The following HTT variants were observed in gnomAD, a reference collection of about 807,000 sequenced individuals.
HTT encodes the protein huntington disease protein.
HTT carries 104 observed loss-of-function variants against 362.3 expected under a neutral mutation model. The ratio of observed to expected loss-of-function variants is 0.29; its 90% CI spans 0.24 to 0.34. HTT has a LOEUF of 0.34. Among genes scored for constraint, HTT ranks in the 10% least tolerant of loss-of-function variants. HTT has a pLI of 1.00. For missense variants in HTT, 3,301 were observed against 3,928.6 expected, an observed-to-expected ratio of 0.84 and a Z score of 4.27; for synonymous variants, 1,577 against 1,548.7, an observed-to-expected ratio of 1.02 and a Z score of -0.43.
chr4:3,121,136 T>C, intron 8 of HTT, 92 bp from the exon 9 acceptor site: 1 of 813,840 alleles, frequency 1.2e-6, no homozygotes, highest in Middle Eastern at 2.9e-4. Context: ...ATAAACTTTG[T>C]CAATGAAGTC....
intron 22 of HTT, among the ~76,000 whole-genome samples, chr4:3,142,251 A>T (rs780829842): frequency 4.6e-5 from 7 of 152,248 alleles, no homozygotes; most frequent in African/African-American, 1.7e-4. Flanking sequence ...TGGACAAGAC[A>T]CTGTGAGGGA....
chr4:3,212,759 G>T lies in HTT; in HGVS notation c.6774+50G>T, dbSNP rs761847113. ...TGTTGCTGTGGGGAGGGGGCATGGG[G>T]CTGACACTGAAGAGGGTAAAGCAGT... On this transcript the variant is annotated intron_variant, in intron 49 of 66. Coordinates refer to ENST00000355072, the MANE Select transcript of HTT (RefSeq NM_001388492.1). The T allele has an allele frequency of 5.0e-6, 8 of 1,599,582 alleles. No homozygotes were observed. The Admixed American group carries it at 1.0e-4, about 20-fold the overall frequency.
At chr4:3,075,418 T>A (rs1712470276) in intron 1 of HTT, among the ~76,000 whole-genome samples, 1 of 152,232 alleles carries the variant, frequency 6.6e-6, no homozygotes, top group Non-Finnish European at 1.5e-5. Flanking sequence ...GGGCGAGAAC[T>A]TGTTTCTTTT....
At chr4:3,095,148 C>G (rs1481102156) in intron 2 of HTT, among the ~76,000 whole-genome samples, 2 of 152,362 alleles carry the variant, frequency 1.3e-5, no homozygotes, top group East Asian at 3.9e-4. Context: ...AGGCCGCAAT[C>G]TTGGCACTTT....
At position 3,178,387 on chromosome 4, in the gene HTT, C is replaced by G; in HGVS notation, c.4553C>G (p.Pro1518Arg). Residue 1518 changes from proline (P) to arginine (R), a missense_variant, in exon 35 of 67, where the codon CCT becomes CGT. By Grantham distance (103) the Pro-to-Arg change is moderately radical. Coordinates refer to ENST00000355072, the MANE Select transcript of HTT (RefSeq NM_001388492.1). ...RYHSKQIIGI[P>R]KIIQLCDGIM... ...CATTCAAAACAGATCATTGGAATTC[C>G]TAAAATCATTCAGCTCTGTGATGGC... 6.2e-7 allele frequency: 1 copy of G among 1,613,500 alleles called. No homozygotes were observed. Among genetic ancestry groups the G allele is most frequent in the Non-Finnish European group, 8.5e-7 (1 of 1,179,480 alleles).
At chr4:3,231,173 A>G (rs1302240072) in intron 60 of HTT, among the ~76,000 whole-genome samples, 3 of 152,210 alleles carry the variant, frequency 2.0e-5, no homozygotes, top group East Asian at 1.9e-4. Context: ...TATGATAGCA[A>G]TGGAAACTCA....
chr4:3,160,174 GCA>G lies in HTT; in HGVS notation c.3754-105_3754-104del, dbSNP rs1229665101. 14 of 722,422 alleles carry G rather than the reference GCA, an allele frequency of 1.9e-5. No homozygotes were observed. The East Asian group carries it at 3.8e-4, about 20-fold the overall frequency. The allele number at this position is 722,422 out of a possible 1,614,324, so 44.8% of individuals were successfully genotyped here. On this transcript the variant is annotated intron_variant, in intron 28 of 66. Transcript: ENST00000355072. ...CCCTGCAAGGTGAGTGTACGGCGCCGCACAGTGGAGGCATCTGCTGCAGCCGT... is the reference window on the plus strand; with the variant it reads ...CCCTGCAAGGTGAGTGTACGGCGCCGCAGTGGAGGCATCTGCTGCAGCCGT...
chr4:3,102,109 G>A (rs1025659745), intron 3 of HTT, among the ~76,000 whole-genome samples: 6 of 152,192 alleles, frequency 3.9e-5, no homozygotes, highest in African/African-American at 1.4e-4. Context: ...GTGACCCGGT[G>A]AGGACGTGGG....
chr4:3,164,744 C>G (rs548096394), intron 29 of HTT, among the ~76,000 whole-genome samples: 1 of 152,026 alleles, frequency 6.6e-6, no homozygotes, highest in African/African-American at 2.4e-5. Context: ...GATTGCAATC[C>G]CTGCTTTTTT....
chr4:3,082,106 A>C (rs1712943266), intron 1 of HTT, among the ~76,000 whole-genome samples: 1 of 152,218 alleles, frequency 6.6e-6, no homozygotes, highest in African/African-American at 2.4e-5. Flanking sequence ...GACTGAGATC[A>C]CATTACATAT....
rs750833956 is a variant in HTT at position 3,206,932 on chromosome 4, C to T, written c.6024C>T (p.Val2008=). ...CTTTCCGTGTGCTGGCTCGCATGGT[C>T]GACATCCTTGCTTGTCGCCGGGTAG... ...CTPFRVLARM[V]DILACRRVEM... Residue 2008 remains valine, a synonymous_variant, in exon 44 of 67, where the codon GTC becomes GTT. Transcript: ENST00000355072. This position sits in a 1 kb window ranked among gnomAD's most constrained non-coding sequence, Gnocchi z 4.6. 89 of 1,613,802 alleles carry T rather than the reference C, an allele frequency of 5.5e-5. No individual in the cohort carries two copies. The highest frequency in any genetic ancestry group is 6.4e-5 in the Non-Finnish European group (75 of 1,179,980).
rs138142221 is a variant in HTT, at chr4:3,207,138, C to T, written c.6076-143C>T. The stretch of plus-strand genomic sequence containing the variant: ...GCAAACTTGCCGTTACTCGTGTGTC[C>T]GATCTGACTGTTTCTTGTATTTTTT... On this transcript the variant is annotated intron_variant, in intron 44 of 66. Transcript: ENST00000355072. The T allele has an allele frequency of 1.6e-3, 1,629 of 1,026,046 alleles. 9 individuals are homozygous for T. The highest frequency in any genetic ancestry group is 5.1e-3 in the Middle Eastern group (21 of 4,084). 63.6% of individuals were successfully genotyped at this position (1,026,046 alleles called of 1,614,324 possible).
At chr4:3,191,330 C>G (rs1352619625) in intron 40 of HTT, among the ~76,000 whole-genome samples, 1 of 151,998 alleles carries the variant, frequency 6.6e-6, no homozygotes, top group Non-Finnish European at 1.5e-5. Flanking sequence ...TGCACCACCA[C>G]GCCTGGCTAA....
chr4:3,110,910 A>G (rs985719660), intron 6 of HTT, among the ~76,000 whole-genome samples: 2 of 152,078 alleles, frequency 1.3e-5, no homozygotes, highest in African/African-American at 2.4e-5. Flanking sequence ...GGTTAGTTGG[A>G]TGTTGGTCCT....
chr4:3,215,002 T>G (rs950499295), intron 50 of HTT, 108 bp from the exon 51 acceptor site: 20 of 821,932 alleles, frequency 2.4e-5, no homozygotes, highest in Non-Finnish European at 3.9e-5. Flanking sequence ...TAGGCTAGTC[T>G]GTCTATCCCT....
At chr4:3,188,011 G>C (rs1348224494) in intron 39 of HTT, 125 bp downstream of exon 39, 2 of 629,196 alleles carry the variant, frequency 3.2e-6, no homozygotes, top group Non-Finnish European at 5.6e-6. Flanking sequence ...AAAGAAGTCT[G>C]TATCAGTGTA....
chr4:3,115,555 C>A, intron 7 of HTT, 110 bp downstream of exon 7: 1 of 885,114 alleles, frequency 1.1e-6, no homozygotes, highest in Non-Finnish European at 1.7e-6. Context: ...CTATTTGGCA[C>A]TGGTTGATTG....
Position 3,220,655 on chromosome 4 carries a change from G to A in HTT, c.7369+347G>A, listed in dbSNP as rs527923061. Among the ~76,000 whole-genome samples the A allele has an allele frequency of 2.0e-5, 3 of 152,094 alleles. No individual in the cohort carries two copies. The East Asian group carries it at 5.8e-4, about 29-fold the overall frequency. The stretch of plus-strand genomic sequence containing the variant: ...AGCACTTGTCTCAGAATGTTTTCTT[G>A]TGTTCACCAGTCTGATCCTGTTGTG... On this transcript the variant is annotated intron_variant, in intron 53 of 66. Coordinates refer to ENST00000355072, the MANE Select transcript of HTT (RefSeq NM_001388492.1).
rs577747994 is a variant in HTT at position 3,171,829 on chromosome 4, T to C, written c.3865-491T>C. Among the ~76,000 whole-genome samples the C allele has an allele frequency of 1.3e-5, 2 of 152,360 alleles. 1 individual carries two copies. The highest frequency in any genetic ancestry group is 1.3e-4 in the Admixed American group (2 of 15,306). The stretch of plus-strand genomic sequence containing the variant: ...GGTGCTGTACATCTCGTTATAGATG[T>C]TGATAAAAATGCTTGTGAGAAGAGT... On this transcript the variant is annotated intron_variant, in intron 29 of 66. Transcript: ENST00000355072.
Sources: allele counts gnomAD v4.1 joint callset (sites outside exome capture counted in the v4.1 genomes callset), GRCh38; gene constraint gnomAD v4.1.1; non-coding constraint Gnocchi (gnomAD v3.1); transcripts MANE v1.5; gene names NCBI Gene and HGNC (gene_info 2026-07-23, HGNC 2026-07-21).